The following QRFPR variants were observed in gnomAD, a reference collection of about 807,000 sequenced individuals.
The protein encoded by QRFPR is pyroglutamylated RFamide peptide receptor, also known as pyroglutamylated RF-amide peptide receptor.
A neutral mutation model predicts 31.3 loss-of-function variants in QRFPR; 37 were observed. The ratio of observed to expected loss-of-function variants is 1.18; its 90% CI spans 0.91 to 1.56. The LOEUF is 1.56. QRFPR is among the 40% of genes most tolerant of loss of function. The probability of loss-of-function intolerance (pLI) is 0.00; values close to 1 mark genes in which losing one functional copy is unlikely to be tolerated. For missense variants in QRFPR, 542 were observed against 532.5 expected, an observed-to-expected ratio of 1.02 and a Z score of -0.18; for synonymous variants, 197 against 192.0, an observed-to-expected ratio of 1.03 and a Z score of -0.22.
intron 1 of QRFPR, 116 bp downstream of exon 1, chr4:121,380,192 A>AGAGG (rs780403796): frequency 0.01 from 1,599 of 153,438 alleles, 111 homozygotes; most frequent in East Asian, 0.021. Flanking sequence ...GAGAGGAGAG[A>AGAGG]GAGAGAGAGA....
Position 121,380,638 on chromosome 4 carries a change from G to C in QRFPR, c.10C>G (p.Leu4Val), listed in dbSNP as rs773266011. The change falls in exon 1 of 6, where the codon CTT becomes GTT. Residue 4 changes from leucine (L) to valine (V), a missense_variant. Coordinates refer to ENST00000394427, the MANE Select transcript of QRFPR (RefSeq NM_198179.3). ...GAGAACTGCTCCGGGGTAATGTTAA[G>C]CGCCTGCATTGCTGTGCGCTCCCGG... MQA[L>V]NITPEQFSRL... 1 of 1,558,578 alleles carries C rather than the reference G, an allele frequency of 6.4e-7. No individual in the cohort carries two copies. Among genetic ancestry groups the C allele is most frequent in the East Asian group, 2.3e-5 (1 of 43,394 alleles).
Position 121,329,228 on chromosome 4 carries a change from T to C in QRFPR, c.*86A>G. ...TTTCTTCTTGTCATCATCTTAAGAA[T>C]AAAAAGAGTATTTGACCTTTGCTCA... On this transcript the variant is annotated 3_prime_UTR_variant, in exon 6 of 6. Coordinates refer to ENST00000394427, the MANE Select transcript of QRFPR (RefSeq NM_198179.3). 1 of 1,041,106 alleles carries C rather than the reference T, an allele frequency of 9.6e-7. No individual in the cohort carries two copies. Among genetic ancestry groups the C allele is most frequent in the South Asian group, 1.8e-5 (1 of 56,598 alleles). 64.5% of individuals were successfully genotyped at this position (1,041,106 alleles called of 1,614,324 possible).
intron 2 of QRFPR, among the ~76,000 whole-genome samples, chr4:121,337,838 A>G (rs1725463566): frequency 6.6e-6 from 1 of 152,228 alleles, no homozygotes; most frequent in Non-Finnish European, 1.5e-5. Flanking sequence ...ACTCTTAGAA[A>G]AGAAAAACAG....
chr4:121,342,420 A>G (rs548946300), intron 1 of QRFPR, among the ~76,000 whole-genome samples: 213 of 152,094 alleles, frequency 1.4e-3, no homozygotes, highest in African/African-American at 5.0e-3. Context: ...TCTCTAAAAT[A>G]TCTTATTGGT....
Position 121,340,441 on chromosome 4 carries a change from A to T in QRFPR, c.499+11T>A, listed in dbSNP as rs12651331. ...CATTCACACTGCCATTGGCACATCCAGTGGCCTCACCTAGCATTGTGAAAG... is the reference window on the plus strand; with the variant it reads ...CATTCACACTGCCATTGGCACATCCTGTGGCCTCACCTAGCATTGTGAAAG... On this transcript the variant is annotated intron_variant, in intron 2 of 5. Transcript: ENST00000394427. 79,488 of 1,613,654 alleles carry T rather than the reference A, an allele frequency of 0.049. 2,348 individuals are homozygous for T. The highest frequency in any genetic ancestry group is 0.12 in the Middle Eastern group (737 of 6,060).
In QRFPR at chr4:121,329,163, G is replaced by A. The variant is rs1725270569; in HGVS notation, c.*151C>T. ...TTGGTTGTAAACATCACTGCACTTGGACTAGCCTCGTGTCATTTTTTAATG... is the reference window on the plus strand; with the variant it reads ...TTGGTTGTAAACATCACTGCACTTGAACTAGCCTCGTGTCATTTTTTAATG... On this transcript the variant is annotated 3_prime_UTR_variant, in exon 6 of 6. Coordinates refer to ENST00000394427, the MANE Select transcript of QRFPR (RefSeq NM_198179.3). The A allele has an allele frequency of 4.9e-6, 3 of 617,596 alleles. No homozygotes were observed. The highest frequency in any genetic ancestry group is 5.4e-6 in the Non-Finnish European group (2 of 368,680). 38.3% of individuals were successfully genotyped at this position (617,596 alleles called of 1,614,324 possible).
intron 4 of QRFPR, 119 bp from the exon 5 acceptor site, chr4:121,330,642 C>A (rs905071857): frequency 2.9e-6 from 2 of 691,816 alleles, no homozygotes. Context: ...AAATTAAGCT[C>A]ACGATAGGTT....
chr4:121,329,783 A>T (rs1200696776), intron 5 of QRFPR, 69 bp from the exon 6 acceptor site: 3 of 1,140,106 alleles, frequency 2.6e-6, no homozygotes, highest in Admixed American at 3.1e-5. Context: ...TCTGTTTGTC[A>T]CCTGTCAAAG....
At chr4:121,372,074 C>G (rs1726258043) in intron 1 of QRFPR, among the ~76,000 whole-genome samples, 1 of 152,122 alleles carries the variant, frequency 6.6e-6, no homozygotes, top group Non-Finnish European at 1.5e-5. Context: ...GTAGCTGAAC[C>G]TTAAGTGGGA....
At chr4:121,332,447 T>C (rs535321487) in intron 4 of QRFPR, among the ~76,000 whole-genome samples, 2 of 152,314 alleles carry the variant, frequency 1.3e-5, no homozygotes, top group East Asian at 3.9e-4. Flanking sequence ...CTTGTACATA[T>C]GCGGGAAGCA....
Position 121,333,000 on chromosome 4 carries a change from G to T in QRFPR, c.618C>A (p.Thr206=). The change falls in exon 4 of 6, where the codon ACC becomes ACA. Residue 206 remains threonine (T), a synonymous_variant. Transcript: ENST00000394427. The part of the protein sequence containing the change: ...KEHICCLEEW[T]SPVHQKIYTT... ...TGTAGATCTTCTGGTGCACAGGGCT[G>T]GTCCACTCTTCTAAGCAGCAGATGT... 6.3e-7 allele frequency: 1 copy of T among 1,578,782 alleles called. No homozygotes were observed. The highest frequency in any genetic ancestry group is 8.6e-7 in the Non-Finnish European group (1 of 1,164,212).
intron 3 of QRFPR, 40 bp from the exon 4 acceptor site, chr4:121,333,096 A>T: frequency 2.9e-6 from 4 of 1,390,268 alleles, no homozygotes; most frequent in Non-Finnish European, 4.0e-6. Flanking sequence ...ACCAGTAGTC[A>T]GCATCAAAAA....
At chr4:121,338,603 G>T (rs1452560259) in intron 2 of QRFPR, among the ~76,000 whole-genome samples, 2 of 152,188 alleles carry the variant, frequency 1.3e-5, no homozygotes, top group Non-Finnish European at 2.9e-5. Flanking sequence ...GCCCAGGGAA[G>T]CGAAAAGATT....
At chr4:121,341,836 G>T (rs982344122) in intron 1 of QRFPR, among the ~76,000 whole-genome samples, 29 of 152,150 alleles carry the variant, frequency 1.9e-4, no homozygotes, top group African/African-American at 6.8e-4. Flanking sequence ...AATACTCCTT[G>T]CTTTCACAGC....
At chr4:121,365,610 TATTA>T (rs1560744136) in intron 1 of QRFPR, among the ~76,000 whole-genome samples, 13 of 10,388 alleles carry the variant, frequency 1.3e-3, no homozygotes, top group Non-Finnish European at 1.8e-3. Flanking sequence ...ATAATATATA[TATTA>T]TATATATTAT....
chr4:121,370,110 G>T, intron 1 of QRFPR: 1 of 769,432 alleles, frequency 1.3e-6, no homozygotes, highest in South Asian at 1.4e-5. Flanking sequence ...ACTGGCAGGG[G>T]AGGGTAGACT....
chr4:121,379,900 A>G (rs574357380), intron 1 of QRFPR, among the ~76,000 whole-genome samples: 80 of 152,256 alleles, frequency 5.3e-4, no homozygotes, highest in Middle Eastern at 3.4e-3. Context: ...TCTCACTTTT[A>G]GTAAGAAAAC....
chr4:121,377,808 A>T (rs1040318078), intron 1 of QRFPR, among the ~76,000 whole-genome samples: 4 of 152,194 alleles, frequency 2.6e-5, no homozygotes, highest in African/African-American at 9.7e-5. Context: ...AAGGTAGAAC[A>T]CTTTTCCAGA....
rs1726452153 is a variant in QRFPR at position 121,380,197 on chromosome 4, GAGAGAGAGAGAGAGAGAGA to G, written c.340+92_340+110del. 744 of 440,178 alleles carry G rather than the reference GAGAGAGAGAGAGAGAGAGA, an allele frequency of 1.7e-3. 6 individuals are homozygous for G. The highest frequency in any genetic ancestry group is 5.1e-3 in the Middle Eastern group (11 of 2,178). The allele number at this position is 440,178 out of a possible 1,614,324, so 27.3% of individuals were successfully genotyped here. A position where few individuals can be genotyped will look rare whatever the true frequency, so the allele number is the denominator to read the frequency against. ...AGACAGACGAGAGAGGAGAGAGAGAGAGAGAGAGAGAGAGAGAGAGAGAGAGAGAGAGAGAGAGAGAGAG... is the reference window on the plus strand; with the variant it reads ...AGACAGACGAGAGAGGAGAGAGAGAGGAGAGAGAGAGAGAGAGAGAGAGAG... On this transcript the variant is annotated intron_variant, in intron 1 of 5. Coordinates refer to ENST00000394427, the MANE Select transcript of QRFPR (RefSeq NM_198179.3).
Sources: allele counts gnomAD v4.1 joint callset (sites outside exome capture counted in the v4.1 genomes callset), GRCh38; gene constraint gnomAD v4.1.1; transcripts MANE v1.5; gene names NCBI Gene and HGNC (gene_info 2026-07-23, HGNC 2026-07-21).